IL1A: variants seen among roughly 807,000 people sequenced by gnomAD.
IL1A encodes interleukin 1 alpha, also known as interleukin-1 alpha.
In IL1A, 16 loss-of-function variants were observed where a neutral mutation model predicts 22.2. The observed-to-expected ratio is 0.72, with a 90% confidence interval of 0.49 to 1.09. The LOEUF (loss-of-function observed/expected upper bound fraction) is 1.09. Among genes scored for constraint, IL1A ranks in the 50% least tolerant of loss-of-function variants. The probability of loss-of-function intolerance (pLI) is 0.00; values close to 1 mark genes in which losing one functional copy is unlikely to be tolerated. For synonymous variants in IL1A, 113 were observed against 118.5 expected, an observed-to-expected ratio of 0.95 and a Z score of 0.30; for missense variants, 317 against 321.8, an observed-to-expected ratio of 0.99 and a Z score of 0.11.
At position 112,775,141 on chromosome 2, in the gene IL1A, G is replaced by T; in HGVS notation, c.742C>A (p.Gln248Lys). ...AHPNLFIATK[Q>K]DYWVCLAGGP... Reference sequence around the variant, plus strand: ...CCTGCCAAGCACACCCAGTAGTCTTGCTTTGTGGCAATAAACAAGTTTGGA... The same window carrying T: ...CCTGCCAAGCACACCCAGTAGTCTTTCTTTGTGGCAATAAACAAGTTTGGA... The change falls in exon 7 of 7, where the codon CAA (glutamine) becomes AAA (lysine). Residue 248 changes from glutamine (Q) to lysine (K), a missense_variant. By Grantham distance (53) the Gln-to-Lys change is moderately conservative. Transcript: ENST00000263339. The T allele has an allele frequency of 6.2e-7, 1 of 1,614,168 alleles. No homozygotes were observed. Among genetic ancestry groups the T allele is most frequent in the Non-Finnish European group, 8.5e-7 (1 of 1,180,008 alleles).
Position 112,782,779 on chromosome 2 carries a change from T to A in IL1A, c.48-15A>T. 1 of 1,587,400 alleles carries A rather than the reference T, an allele frequency of 6.3e-7. No individual in the cohort carries two copies. The highest frequency in any genetic ancestry group is 8.7e-7 in the Non-Finnish European group (1 of 1,155,832). On this transcript the variant is annotated splice_polypyrimidine_tract_variant and intron_variant, in intron 2 of 6. Transcript: ENST00000263339. The stretch of plus-strand genomic sequence containing the variant: ...CTTCATTTTCACTGTCAAAATAAGA[T>A]GATGAGAATGTAATTGTTGTTATTT...
chr2:112,779,290 CT>C (rs1452980939), intron 5 of IL1A, among the ~76,000 whole-genome samples: 1 of 152,148 alleles, frequency 6.6e-6, no homozygotes, highest in Non-Finnish European at 1.5e-5. Flanking sequence ...AAACTTCTCT[CT>C]TGTGGAACTT....
In IL1A at chr2:112,781,812, A is replaced by T. The variant is rs1396039068; in HGVS notation, c.111T>A (p.His37Gln). 5 of 1,613,246 alleles carry T rather than the reference A, an allele frequency of 3.1e-6. No individual in the cohort carries two copies. The highest frequency in any genetic ancestry group is 4.2e-6 in the Non-Finnish European group (5 of 1,179,162). ...HLSLNQKSFY[H>Q]VSYGPLHEGC... ...CTTCATGGAGTGGGCCATAGCTTAC[A>T]TGATAGAAGGATTTCTGTGAGGAAG... The change falls in exon 4 of 7, where the codon CAT becomes CAA. Residue 37 changes from histidine (H) to glutamine (Q), a missense_variant. His to Gln is a conservative substitution (Grantham distance 24, BLOSUM62 0). Transcript: ENST00000263339.
chr2:112,782,592 T>C, intron 3 of IL1A, 124 bp downstream of exon 3: 1 of 683,580 alleles, frequency 1.5e-6, no homozygotes, highest in Non-Finnish European at 2.6e-6. Flanking sequence ...GAAAGACAGG[T>C]CTCTGGACCT....
chr2:112,783,661 A>G, intron 2 of IL1A, 63 bp downstream of exon 2: 1 of 1,410,710 alleles, frequency 7.1e-7, no homozygotes, highest in East Asian at 2.3e-5. Context: ...TGTTATGCCT[A>G]GCTGGATTCT....
At chr2:112,776,392 G>A (rs1020832352) in intron 6 of IL1A, among the ~76,000 whole-genome samples, 1 of 151,980 alleles carries the variant, frequency 6.6e-6, no homozygotes, top group African/African-American at 2.4e-5. Flanking sequence ...CCATCTTGAA[G>A]TTGTAGGCCT....
At position 112,783,761 on chromosome 2, in the gene IL1A, C is replaced by G. The variant is rs371037111; in HGVS notation, c.10G>C (p.Val4Leu). ...TTCAGGTCTTCAAACATGTCTGGAACTTTGGCCATCTTGACTTCTGCAACA... is the reference window on the plus strand; with the variant it reads ...TTCAGGTCTTCAAACATGTCTGGAAGTTTGGCCATCTTGACTTCTGCAACA... Reference protein sequence around the residue: MAKVPDMFEDLKNC... With the variant: MAKLPDMFEDLKNC... Residue 4 changes from valine (V) to leucine (L), a missense_variant, in exon 2 of 7, where the codon GTT becomes CTT. By Grantham distance (32) the Val-to-Leu change is conservative (BLOSUM62 1). Transcript: ENST00000263339. 1.9e-6 allele frequency: 3 copies of G among 1,614,048 alleles called. No individual in the cohort carries two copies. Among genetic ancestry groups the G allele is most frequent in the Non-Finnish European group, 2.5e-6 (3 of 1,179,902 alleles).
At chr2:112,779,473 T>C (rs747321400) in intron 5 of IL1A, 23 bp downstream of exon 5, 17 of 1,530,824 alleles carry the variant, frequency 1.1e-5, no homozygotes, top group Middle Eastern at 1.7e-4. Flanking sequence ...ATGACAGAAA[T>C]GTCTGGTGCC....
intron 2 of IL1A, 86 bp from the exon 3 acceptor site, chr2:112,782,850 G>A: frequency 1.0e-6 from 1 of 973,444 alleles, no homozygotes; most frequent in Non-Finnish European, 1.7e-6. Flanking sequence ...TGATAGTTGT[G>A]GGTCACACAC....
At chr2:112,783,888 G>T in intron 1 of IL1A, 110 bp from the exon 2 acceptor site, 1 of 895,910 alleles carries the variant, frequency 1.1e-6, no homozygotes, top group Non-Finnish European at 1.9e-6. Context: ...GAATGACTTA[G>T]TCCACATTCA....
intron 2 of IL1A, among the ~76,000 whole-genome samples, chr2:112,783,003 T>C (rs1022939500): frequency 1.3e-5 from 2 of 152,216 alleles, no homozygotes; most frequent in African/African-American, 2.4e-5. Flanking sequence ...TCTGTAAAAA[T>C]TGGACTTGGC....
At chr2:112,779,407 T>A in intron 5 of IL1A, 89 bp downstream of exon 5, 1 of 1,134,796 alleles carries the variant, frequency 8.8e-7, no homozygotes, top group South Asian at 1.7e-5. Flanking sequence ...AAGAGGTATG[T>A]TTTTTGCAAG....
In IL1A at chr2:112,775,223, G is replaced by GT; in HGVS notation, c.659dup (p.Asn220LysfsTer12). ...CGTGAGTTTCCCAGAAGAAGAGGAG[G>GT]TTGGTCTCACTACCTGTGATGGTTT... On this transcript the variant is annotated frameshift_variant, in exon 7 of 7. Transcript: ENST00000263339. LOFTEE classifies it low-confidence loss of function (END_TRUNC). 1 of 1,614,196 alleles carries GT rather than the reference G, an allele frequency of 6.2e-7. No individual in the cohort carries two copies. The highest frequency in any genetic ancestry group is 8.5e-7 in the Non-Finnish European group (1 of 1,180,016).
At chr2:112,778,655 T>C (rs1681142844) in intron 5 of IL1A, among the ~76,000 whole-genome samples, 2 of 152,170 alleles carry the variant, frequency 1.3e-5, no homozygotes, top group African/African-American at 4.8e-5. Flanking sequence ...CAATAATATA[T>C]ACAAAGATAT....
intron 6 of IL1A, 110 bp from the exon 7 acceptor site, chr2:112,775,377 G>T: frequency 2.7e-6 from 2 of 751,540 alleles, no homozygotes; most frequent in Non-Finnish European, 4.6e-6. Context: ...TAGGACTATG[G>T]CTGTAACATG....
Position 112,779,613 on chromosome 2 carries a change from T to G in IL1A, c.373A>C (p.Asn125His). The G allele has an allele frequency of 6.2e-7, 1 of 1,612,854 alleles. No homozygotes were observed. Among genetic ancestry groups the G allele is most frequent in the Non-Finnish European group, 8.5e-7 (1 of 1,178,920 alleles). The change falls in exon 5 of 7, where the codon AAC becomes CAC. Residue 125 changes from asparagine (N) to histidine (H), a missense_variant. Physicochemically the swap from Asn to His is moderately conservative, Grantham distance 68. Coordinates refer to ENST00000263339, the MANE Select transcript of IL1A (RefSeq NM_000575.5). ...TCGTATTTGATGATCCTCATAAAGTTGTATTTCACATTGCTCAGGAAGCTA... is the reference window on the plus strand; with the variant it reads ...TCGTATTTGATGATCCTCATAAAGTGGTATTTCACATTGCTCAGGAAGCTA... ...PFSFLSNVKY[N>H]FMRIIKYEFI... is the part of the protein sequence containing the mutation.
chr2:112,775,799 A>G (rs1339423041), intron 6 of IL1A, among the ~76,000 whole-genome samples: 1 of 152,190 alleles, frequency 6.6e-6, no homozygotes, highest in East Asian at 1.9e-4. Flanking sequence ...ATTCCTAAGT[A>G]TATCAGTAAA....
In IL1A at chr2:112,775,195, T is replaced by A. The variant is rs368867049; in HGVS notation, c.688A>T (p.Thr230Ser). 2 of 1,614,118 alleles carry A rather than the reference T, an allele frequency of 1.2e-6. No homozygotes were observed. The highest frequency in any genetic ancestry group is 1.7e-6 in the Non-Finnish European group (2 of 1,180,040). ...GCAACTGATGTGAAATAGTTCTTAG[T>A]GCCGTGAGTTTCCCAGAAGAAGAGG... ...NLLFFWETHGTKNYFTSVAHP... is the reference protein window; with the variant it reads ...NLLFFWETHGSKNYFTSVAHP... The change falls in exon 7 of 7, where the codon ACT becomes TCT. Residue 230 changes from threonine to serine, a missense_variant. Thr to Ser is a moderately conservative substitution (Grantham distance 58). Transcript: ENST00000263339.
rs1463853574 is a variant in IL1A at position 112,781,649 on chromosome 2, T to C, written c.274A>G (p.Ile92Val). 6.2e-7 allele frequency: 1 copy of C among 1,614,114 alleles called. No individual in the cohort carries two copies. Among genetic ancestry groups the C allele is most frequent in the Non-Finnish European group, 8.5e-7 (1 of 1,180,052 alleles). ...ATGGCCTCCAGGTCATCATCAGTGA[T>C]GGATTGGCTTAAACTCAACCGTCTC... The part of the protein sequence containing the change: ...KKRRLSLSQS[I>V]TDDDLEAIAN... The change falls in exon 4 of 7, where the codon ATC (isoleucine) becomes GTC (valine). Residue 92 changes from isoleucine to valine, a missense_variant. By Grantham distance (29) the Ile-to-Val change is conservative. Coordinates refer to ENST00000263339, the MANE Select transcript of IL1A (RefSeq NM_000575.5).
Sources: gnomAD v4.1 joint callset for allele counts (sites outside exome capture counted in the v4.1 genomes callset) on GRCh38, gnomAD v4.1.1 for gene constraint, MANE v1.5 for transcripts, NCBI Gene and HGNC (gene_info 2026-07-23, HGNC 2026-07-21) for gene names.